Variants in CSMD1 observed in about 807,000 individuals in gnomAD.
CSMD1 encodes CUB and Sushi multiple domains 1.
In CSMD1, 213 loss-of-function variants were observed where a neutral mutation model predicts 417.5. The observed-to-expected ratio is 0.51, with a 90% CI of 0.46 to 0.57. The LOEUF (loss-of-function observed/expected upper bound fraction) is 0.57. Among genes scored for constraint, CSMD1 ranks in the 20% least tolerant of loss-of-function variants. The pLI, the probability that CSMD1 is intolerant of heterozygous loss-of-function variation, is 0.00. For synonymous variants in CSMD1, 2,862 were observed against 1,736.8 expected, an observed-to-expected ratio of 1.65 and a Z score of -16.11; for missense variants, 6,923 against 4,529.7, an observed-to-expected ratio of 1.53 and a Z score of -15.17.
intron 2 of CSMD1, among the ~76,000 whole-genome samples, chr8:4,568,434 G>C (rs1370225848): frequency 1.3e-5 from 2 of 152,090 alleles, no homozygotes; most frequent in Non-Finnish European, 2.9e-5. Flanking sequence ...CCATGTCCTT[G>C]CAAATGACAT....
At chr8:4,979,996 C>T (rs1810792000) in intron 1 of CSMD1, among the ~76,000 whole-genome samples, 1 of 152,162 alleles carries the variant, frequency 6.6e-6, no homozygotes, top group Non-Finnish European at 1.5e-5. Flanking sequence ...CAAGATAGTG[C>T]ACTGCACTCC....
At chr8:4,654,723 T>A (rs894137179) in intron 1 of CSMD1, among the ~76,000 whole-genome samples, 24 of 152,132 alleles carry the variant, frequency 1.6e-4, no homozygotes, top group Non-Finnish European at 7.3e-5. Context: ...TATTTCTCAA[T>A]GCATTCATAA....
At chr8:4,219,802 G>A (rs768098709) in intron 3 of CSMD1, among the ~76,000 whole-genome samples, 7 of 152,140 alleles carry the variant, frequency 4.6e-5, no homozygotes, top group Non-Finnish European at 8.8e-5. Flanking sequence ...ATGTATTAAT[G>A]TCTTACTTAG....
At chr8:4,153,547 G>A (rs1289658366) in intron 3 of CSMD1, among the ~76,000 whole-genome samples, 3 of 152,230 alleles carry the variant, frequency 2.0e-5, no homozygotes, top group Admixed American at 6.5e-5. Flanking sequence ...CTCGTCAGCA[G>A]CGGCCTCCAC....
chr8:4,444,786 T>A (rs1367060890), intron 2 of CSMD1, among the ~76,000 whole-genome samples: 1 of 152,166 alleles, frequency 6.6e-6, no homozygotes, highest in Non-Finnish European at 1.5e-5. Flanking sequence ...ACTAAGAACA[T>A]ATTATTCCAG....
intron 5 of CSMD1, among the ~76,000 whole-genome samples, chr8:3,892,827 G>T (rs1164578688): frequency 4.0e-5 from 6 of 149,386 alleles, no homozygotes; most frequent in African/African-American, 1.2e-4. Context: ...TGACGCCCAA[G>T]TGCAGGTTCT....
intron 3 of CSMD1, among the ~76,000 whole-genome samples, chr8:4,401,487 C>T (rs75810159): frequency 0.026 from 3,923 of 152,202 alleles, 152 homozygotes; most frequent in African/African-American, 0.09. Context: ...GCACCATCCC[C>T]TCACCCAGAG....
intron 1 of CSMD1, among the ~76,000 whole-genome samples, chr8:4,987,707 A>G (rs1811253916): frequency 6.6e-6 from 1 of 152,154 alleles, no homozygotes; most frequent in African/African-American, 2.4e-5. Context: ...AAAGATTAAC[A>G]TTTGAGTCAA....
chr8:3,219,639 A>C (rs1180429705), intron 28 of CSMD1, among the ~76,000 whole-genome samples, 197 bp from the exon 29 acceptor site: 3 of 152,196 alleles, frequency 2.0e-5, no homozygotes, highest in Non-Finnish European at 4.4e-5. Context: ...CAATTGTGAC[A>C]AATACTATTT....
intron 1 of CSMD1, among the ~76,000 whole-genome samples, chr8:4,986,976 G>T (rs1287085853): frequency 6.6e-6 from 1 of 151,994 alleles, no homozygotes; most frequent in Non-Finnish European, 1.5e-5. Context: ...ATAATACATA[G>T]ATAATGTTTA....
At chr8:4,252,895 G>C (rs1456387492) in intron 3 of CSMD1, among the ~76,000 whole-genome samples, 2 of 152,160 alleles carry the variant, frequency 1.3e-5, no homozygotes, top group Non-Finnish European at 2.9e-5. Context: ...CAGGTGCCTT[G>C]TTCATGACCA....
intron 50 of CSMD1, among the ~76,000 whole-genome samples, chr8:3,051,110 G>T (rs1383734000): frequency 1.3e-5 from 2 of 152,068 alleles, no homozygotes; most frequent in Non-Finnish European, 2.9e-5. Context: ...TATACCCAAA[G>T]GAATATAAAT....
At chr8:4,322,479 G>A (rs761204781) in intron 3 of CSMD1, among the ~76,000 whole-genome samples, 1 of 152,130 alleles carries the variant, frequency 6.6e-6, no homozygotes, top group African/African-American at 2.4e-5. Context: ...GGGATTAAAA[G>A]AGTGAAAGCT....
At chr8:3,229,458 T>C (rs946309515) in intron 27 of CSMD1, among the ~76,000 whole-genome samples, 2 of 152,182 alleles carry the variant, frequency 1.3e-5, no homozygotes, top group African/African-American at 4.8e-5. Flanking sequence ...ATAAATTGTC[T>C]CAGGTGGCTA....
At chr8:3,772,949 T>G (rs1309472799) in intron 5 of CSMD1, among the ~76,000 whole-genome samples, 1 of 151,834 alleles carries the variant, frequency 6.6e-6, no homozygotes, top group Admixed American at 6.6e-5. Context: ...GGTCTGGAGG[T>G]TCACTATCAA....
chr8:4,922,590 A>AT lies in CSMD1; in HGVS notation c.85+71741dup, dbSNP rs560492283. ...CATTTGTTTTCTATAAAAGCTATTG[A>AT]TAGCGCTCATGAGAGAAGGTATGCA... On this transcript the variant is annotated intron_variant, in intron 1 of 69. Transcript: ENST00000635120. Among the ~76,000 whole-genome samples, 8 of 152,286 alleles carry AT rather than the reference A, an allele frequency of 5.3e-5. No individual in the cohort carries two copies. In the South Asian group the frequency reaches 1.7e-3, roughly 32 times the overall value.
At chr8:3,993,174 G>A (rs914455144) in intron 5 of CSMD1, among the ~76,000 whole-genome samples, 3 of 152,218 alleles carry the variant, frequency 2.0e-5, no homozygotes, top group African/African-American at 4.8e-5. Flanking sequence ...TCACATGAAG[G>A]AAGCTAGGTT....
At chr8:4,868,750 T>G (rs934634079) in intron 1 of CSMD1, among the ~76,000 whole-genome samples, 2 of 148,848 alleles carry the variant, frequency 1.3e-5, no homozygotes, top group African/African-American at 5.0e-5. Flanking sequence ...CACTGGTGAC[T>G]GTCAAATATT....
rs777325711 is a variant in CSMD1, at chr8:3,106,651, T to C, written c.6836-10A>G. ...TACTTCACAAAATCTCCTAGAAGAGTCAATGCAACAAACCAGGAAATTGTG... is the reference window on the plus strand; with the variant it reads ...TACTTCACAAAATCTCCTAGAAGAGCCAATGCAACAAACCAGGAAATTGTG... On this transcript the variant is annotated splice_polypyrimidine_tract_variant and intron_variant, in intron 45 of 69. Transcript: ENST00000635120. 7 of 1,562,334 alleles carry C rather than the reference T, an allele frequency of 4.5e-6. No homozygotes were observed. The highest frequency in any genetic ancestry group is 6.2e-6 in the Non-Finnish European group (7 of 1,134,814).
Sources: gnomAD v4.1 joint callset for allele counts (sites outside exome capture counted in the v4.1 genomes callset) on GRCh38, gnomAD v4.1.1 for gene constraint, MANE v1.5 for transcripts, NCBI Gene and HGNC (gene_info 2026-07-23, HGNC 2026-07-21) for gene names.